The following PRIM2 variants were observed in gnomAD, a reference collection of about 807,000 sequenced individuals.
The protein encoded by PRIM2 is DNA primase large subunit.
A neutral mutation model predicts 67.3 loss-of-function variants in PRIM2; 39 were observed. The ratio of observed to expected loss-of-function variants is 0.58; its 90% CI spans 0.45 to 0.76. The LOEUF (loss-of-function observed/expected upper bound fraction) is 0.76. Ranked by LOEUF, PRIM2 falls within the 30% of genes least tolerant of loss-of-function variation. PRIM2 has a pLI of 0.00. For missense variants in PRIM2, 398 were observed against 598.7 expected, an observed-to-expected ratio of 0.66 and a Z score of 3.50; for synonymous variants, 143 against 198.7, an observed-to-expected ratio of 0.72 and a Z score of 2.36.
intron 7 of PRIM2, among the ~76,000 whole-genome samples, chr6:57,418,372 C>T (rs1219347857): frequency 2.8e-5 from 3 of 108,692 alleles, no homozygotes; most frequent in African/African-American, 6.5e-5. Flanking sequence ...GTAATGTTTC[C>T]TATGTGTGTG....
chr6:57,515,146 A>T (rs1774456093), intron 8 of PRIM2, among the ~76,000 whole-genome samples: 1 of 152,200 alleles, frequency 6.6e-6, no homozygotes, highest in South Asian at 2.1e-4. Context: ...CTAGGTAATA[A>T]AGTAGAAAAT....
intron 8 of PRIM2, among the ~76,000 whole-genome samples, chr6:57,514,856 C>T (rs1554348073): frequency 1.4e-3 from 210 of 151,872 alleles, no homozygotes; most frequent in African/African-American, 3.9e-3. Flanking sequence ...ATAAACAGTA[C>T]CCCCCTCCCC....
rs1474641756 is a variant in PRIM2 at position 57,420,676 on chromosome 6, C to G, written c.693+38508C>G. ...AATGAAGACAGAGGCTTTTTGATATCTGCCAGGATGGCTAAGAATTGATCC... is the reference window on the plus strand; with the variant it reads ...AATGAAGACAGAGGCTTTTTGATATGTGCCAGGATGGCTAAGAATTGATCC... On this transcript the variant is annotated intron_variant, in intron 7 of 13. Coordinates refer to ENST00000615550, the MANE Select transcript of PRIM2 (RefSeq NM_000947.5). Among the ~76,000 whole-genome samples, 3 of 152,182 alleles carry G rather than the reference C, an allele frequency of 2.0e-5. No homozygotes were observed. In the East Asian group the frequency reaches 5.8e-4, roughly 29 times the overall value.
At chr6:57,454,355 A>G (rs1289013695) in intron 7 of PRIM2, among the ~76,000 whole-genome samples, 2 of 152,184 alleles carry the variant, frequency 1.3e-5, no homozygotes, top group Non-Finnish European at 2.9e-5. Flanking sequence ...TAGTTTCAGA[A>G]GGAATGGTAC....
the PRIM2 span, among the ~76,000 whole-genome samples, chr6:57,272,402 A>G: frequency 1.3e-5 from 2 of 151,674 alleles, no homozygotes; most frequent in Non-Finnish European, 2.9e-5. Context: ...GTCTCTTTTG[A>G]TCTTTGATGG....
the PRIM2 span, among the ~76,000 whole-genome samples, chr6:57,278,019 CAAAACAAAAA>C: frequency 6.6e-6 from 1 of 150,594 alleles, no homozygotes; most frequent in Non-Finnish European, 1.5e-5. Flanking sequence ...CAAAACAAAA[CAAAACAAAAA>C]AAGATTCTGT....
At chr6:57,610,316 C>T (rs1341299323) in intron 12 of PRIM2, among the ~76,000 whole-genome samples, 1 of 152,144 alleles carries the variant, frequency 6.6e-6, no homozygotes, top group Non-Finnish European at 1.5e-5. Flanking sequence ...GGGAGGCCTG[C>T]CTCGGCCTCC....
intron 7 of PRIM2, among the ~76,000 whole-genome samples, chr6:57,500,427 A>T (rs1490225675): frequency 1.3e-5 from 2 of 152,204 alleles, no homozygotes; most frequent in African/African-American, 4.8e-5. Context: ...CATATTGTCA[A>T]CCTAAAATAA....
chr6:57,637,607 A>G (rs1328114798), intron 13 of PRIM2, among the ~76,000 whole-genome samples: 4 of 152,226 alleles, frequency 2.6e-5, no homozygotes, highest in Non-Finnish European at 5.9e-5. Context: ...TTCATGAAGC[A>G]TACACAAGTA....
intron 5 of PRIM2, among the ~76,000 whole-genome samples, chr6:57,374,049 T>A (rs1456294958): frequency 6.6e-6 from 1 of 152,132 alleles, no homozygotes; most frequent in Admixed American, 6.5e-5. Context: ...GTATGGACAT[T>A]TTCATGATAC....
At chr6:57,408,830 C>T (rs9475928) in intron 7 of PRIM2, among the ~76,000 whole-genome samples, 7,919 of 151,684 alleles carry the variant, frequency 0.052, 393 homozygotes, top group African/African-American at 0.13. Flanking sequence ...CCTGCCTCAA[C>T]CTCCCAAGTA....
intron 5 of PRIM2, among the ~76,000 whole-genome samples, chr6:57,352,580 A>G (rs990298888): frequency 6.6e-6 from 1 of 152,196 alleles, no homozygotes; most frequent in African/African-American, 2.4e-5. Flanking sequence ...TAAGATGTAG[A>G]CTTTACCCTT....
intron 10 of PRIM2, among the ~76,000 whole-genome samples, chr6:57,582,388 C>T (rs1479106820): frequency 6.6e-6 from 1 of 152,102 alleles, no homozygotes; most frequent in Non-Finnish European, 1.5e-5. Flanking sequence ...AGTTCCTTGT[C>T]GTGTCCTCAA....
chr6:57,366,833 G>T (rs1179065872), intron 5 of PRIM2, among the ~76,000 whole-genome samples: 2 of 152,162 alleles, frequency 1.3e-5, no homozygotes, highest in Non-Finnish European at 2.9e-5. Flanking sequence ...GCTGGCTAGG[G>T]TGGAGGAAAA....
chr6:57,446,246 T>C (rs1274307890), intron 7 of PRIM2, among the ~76,000 whole-genome samples: 5 of 151,824 alleles, frequency 3.3e-5, no homozygotes. Flanking sequence ...TCTATTGTCT[T>C]AAGCCTTTTC....
the PRIM2 span, among the ~76,000 whole-genome samples, chr6:57,293,394 T>A: frequency 6.6e-6 from 1 of 152,282 alleles, no homozygotes; most frequent in Admixed American, 6.5e-5. Flanking sequence ...GGTGGGAGTG[T>A]AAATTAGTTC....
chr6:57,352,577 T>G (rs1198521668), intron 5 of PRIM2, among the ~76,000 whole-genome samples: 2 of 152,166 alleles, frequency 1.3e-5, no homozygotes, highest in African/African-American at 2.4e-5. Context: ...CTCTAAGATG[T>G]AGACTTTACC....
intron 5 of PRIM2, among the ~76,000 whole-genome samples, chr6:57,353,216 A>G (rs541044897): frequency 4.3e-4 from 65 of 150,464 alleles, no homozygotes; most frequent in African/African-American, 1.6e-3. Flanking sequence ...GAGTTCCTGT[A>G]GATACAAAGC....
At chr6:57,447,216 G>C (rs1581913362) in intron 7 of PRIM2, among the ~76,000 whole-genome samples, 1 of 152,322 alleles carries the variant, frequency 6.6e-6, no homozygotes, top group East Asian at 1.9e-4. Context: ...TTAAGCTCTG[G>C]AGACTGACAT....
Sources: gnomAD v4.1 joint callset for allele counts (sites outside exome capture counted in the v4.1 genomes callset) on GRCh38, gnomAD v4.1.1 for gene constraint, MANE v1.5 for transcripts, NCBI Gene and HGNC (gene_info 2026-07-23, HGNC 2026-07-21) for gene names.